Variants in CMSS1 observed in about 807,000 individuals in gnomAD.
CMSS1 encodes protein CMSS1.
CMSS1 carries 33 observed loss-of-function variants against 43.5 expected under a neutral mutation model. The ratio of observed to expected loss-of-function variants is 0.76; its 90% CI spans 0.57 to 1.01. CMSS1 has a LOEUF of 1.01. Among genes scored for constraint, CMSS1 ranks in the 50% least tolerant of loss-of-function variants. The pLI is 0.00. For synonymous variants in CMSS1, 115 were observed against 117.2 expected, an observed-to-expected ratio of 0.98 and a Z score of 0.12; for missense variants, 313 against 326.4, an observed-to-expected ratio of 0.96 and a Z score of 0.32.
Position 100,179,726 on chromosome 3 carries a change from T to G in CMSS1, c.*1338T>G, listed in dbSNP as rs1325092369. On this transcript the variant is annotated 3_prime_UTR_variant, in exon 10 of 10. Coordinates refer to ENST00000421999, the MANE Select transcript of CMSS1 (RefSeq NM_032359.4). ...GTACACAGTGTAAGCTGTCAGTGGA[T>G]CTACCATTCTGGGGTCTGGAGGATG... 6.6e-6 allele frequency: 1 copy of G among 152,396 alleles called. No homozygotes were observed. Among genetic ancestry groups the G allele is most frequent in the Non-Finnish European group, 1.5e-5 (1 of 68,208 alleles). The allele number at this position is 152,396 out of a possible 1,614,324, so 9.4% of individuals were successfully genotyped here. A position where few individuals can be genotyped will look rare whatever the true frequency, so the allele number is the denominator to read the frequency against.
At chr3:100,054,304 A>G (rs2065423607) in intron 1 of CMSS1, among the ~76,000 whole-genome samples, 1 of 152,130 alleles carries the variant, frequency 6.6e-6, no homozygotes, top group South Asian at 2.1e-4. Flanking sequence ...GTTGCTAGTA[A>G]TAGCAAATTT....
At chr3:100,117,567 A>C (rs2066581164) in intron 1 of CMSS1, among the ~76,000 whole-genome samples, 1 of 151,864 alleles carries the variant, frequency 6.6e-6, no homozygotes, top group Non-Finnish European at 1.5e-5. Flanking sequence ...ACTACTAACC[A>C]CGTATGGTTA....
At chr3:100,156,096 T>A (rs186510863) in intron 2 of CMSS1, among the ~76,000 whole-genome samples, 40 of 152,056 alleles carry the variant, frequency 2.6e-4, no homozygotes, top group African/African-American at 6.3e-4. Flanking sequence ...TTCTTTTTTT[T>A]AAATTTTATT....
intron 6 of CMSS1, 141 bp downstream of exon 6, chr3:100,167,981 G>A (rs553603574): frequency 1.9e-6 from 1 of 537,624 alleles, no homozygotes; most frequent in East Asian, 2.9e-5. Context: ...TTCAGTGGGG[G>A]AGACAGATAA....
At chr3:100,138,114 G>A (rs530161999) in intron 1 of CMSS1, among the ~76,000 whole-genome samples, 4 of 152,296 alleles carry the variant, frequency 2.6e-5, no homozygotes, top group African/African-American at 9.6e-5. Context: ...TTCAATAAAT[G>A]GTGCTGGGAA....
chr3:100,048,179 GCC>G (rs2065308757), intron 1 of CMSS1, among the ~76,000 whole-genome samples: 1 of 152,224 alleles, frequency 6.6e-6, no homozygotes, highest in Non-Finnish European at 1.5e-5. Flanking sequence ...CTGCTGAACA[GCC>G]CTCAGGGAAG....
intron 1 of CMSS1, among the ~76,000 whole-genome samples, chr3:100,079,176 A>C (rs1381135978): frequency 2.0e-5 from 3 of 152,186 alleles, no homozygotes; most frequent in Admixed American, 2.0e-4. Flanking sequence ...CAGCATGGTG[A>C]CTGGCTTACG....
At chr3:99,931,717 C>T (rs1449388412) in intron 1 of CMSS1, among the ~76,000 whole-genome samples, 2 of 152,060 alleles carry the variant, frequency 1.3e-5, no homozygotes, top group Non-Finnish European at 2.9e-5. Context: ...ATCTTCAAAG[C>T]GGAGATACTA....
chr3:100,060,854 C>T (rs1249117323), intron 1 of CMSS1, among the ~76,000 whole-genome samples: 1 of 152,030 alleles, frequency 6.6e-6, no homozygotes, highest in Non-Finnish European at 1.5e-5. Context: ...AGAGCCAGAT[C>T]TTGTCTCGAA....
Position 100,146,959 on chromosome 3 carries a change from T to C in CMSS1, c.65-14T>C. The C allele has an allele frequency of 6.2e-7, 1 of 1,612,140 alleles. No homozygotes were observed. Among genetic ancestry groups the C allele is most frequent in the African/African-American group, 1.3e-5 (1 of 75,002 alleles). On this transcript the variant is annotated splice_polypyrimidine_tract_variant and intron_variant, in intron 1 of 9. Coordinates refer to ENST00000421999, the MANE Select transcript of CMSS1 (RefSeq NM_032359.4). ...AGAGAGACTTTTCTGATTTTCAAAC[T>C]TTATATTTTCTAGAAGCATCAGATG... is the stretch of plus-strand genomic sequence containing the variant.
intron 1 of CMSS1, chr3:99,849,133 T>C (rs1943523030): frequency 6.2e-7 from 1 of 1,614,170 alleles, no homozygotes; most frequent in Non-Finnish European, 8.5e-7. Context: ...CTGGCTGCAT[T>C]TGAAGGACAG....
In CMSS1 at chr3:100,163,221, A is replaced by G. The variant is rs1305964282; in HGVS notation, c.355+789A>G. Among the ~76,000 whole-genome samples the G allele has an allele frequency of 2.0e-5, 3 of 152,370 alleles. No homozygotes were observed. In the East Asian group the frequency reaches 5.8e-4, roughly 29 times the overall value. ...AGGATAGAAGTTGAAGTACACATTT[A>G]AAAGTATGGATGTGAAACACTGATT... On this transcript the variant is annotated intron_variant, in intron 4 of 9. Coordinates refer to ENST00000421999, the MANE Select transcript of CMSS1 (RefSeq NM_032359.4).
At chr3:100,072,123 A>G (rs1016358020) in intron 1 of CMSS1, among the ~76,000 whole-genome samples, 2 of 152,198 alleles carry the variant, frequency 1.3e-5, no homozygotes, top group African/African-American at 4.8e-5. Context: ...TGAGCGTTAC[A>G]TGGACCATAT....
intron 1 of CMSS1, among the ~76,000 whole-genome samples, chr3:100,014,887 C>CTT (rs1559725867): frequency 1.5e-4 from 5 of 32,466 alleles, no homozygotes; most frequent in Admixed American, 7.7e-4. Flanking sequence ...TTTTTTTTTT[C>CTT]TTTCTTTCTT....
chr3:100,077,668 A>C (rs1371942148), intron 1 of CMSS1, among the ~76,000 whole-genome samples: 1 of 152,208 alleles, frequency 6.6e-6, no homozygotes, highest in Non-Finnish European at 1.5e-5. Flanking sequence ...CACACCTATA[A>C]TCACAGTGAG....
At chr3:99,887,572 C>T (rs1328295345) in intron 1 of CMSS1, among the ~76,000 whole-genome samples, 1 of 152,102 alleles carries the variant, frequency 6.6e-6, no homozygotes, top group Non-Finnish European at 1.5e-5. Context: ...TACAGACAGT[C>T]GGGTGCCATC....
At chr3:99,939,232 C>G (rs1277058707) in intron 1 of CMSS1, among the ~76,000 whole-genome samples, 2 of 152,196 alleles carry the variant, frequency 1.3e-5, no homozygotes, top group Admixed American at 1.3e-4. Context: ...CCATCATCAC[C>G]TGCTCACTTG....
chr3:100,082,531 T>C (rs918291221), intron 1 of CMSS1, among the ~76,000 whole-genome samples: 4 of 152,118 alleles, frequency 2.6e-5, no homozygotes, highest in African/African-American at 9.7e-5. Context: ...AGACAGCCCA[T>C]AATATCTGAG....
At chr3:100,054,528 T>TAA (rs2065430513) in intron 1 of CMSS1, among the ~76,000 whole-genome samples, 2 of 152,076 alleles carry the variant, frequency 1.3e-5, no homozygotes, top group Admixed American at 1.3e-4. Context: ...TTATGTTATG[T>TAA]TATGTTATGT....
Sources: gnomAD v4.1 joint callset for allele counts (sites outside exome capture counted in the v4.1 genomes callset) on GRCh38, gnomAD v4.1.1 for gene constraint, MANE v1.5 for transcripts, NCBI Gene and HGNC (gene_info 2026-07-23, HGNC 2026-07-21) for gene names.